PRKN: variants seen among roughly 807,000 people sequenced by gnomAD.
PRKN encodes parkin RBR E3 ubiquitin protein ligase.
PRKN carries 56 observed loss-of-function variants against 59.5 expected under a neutral mutation model. The ratio of observed to expected loss-of-function variants is 0.94; its 90% CI spans 0.76 to 1.18. PRKN has a LOEUF of 1.18. PRKN is among the 50% of genes most tolerant of loss of function. The pLI is 0.00. For missense variants in PRKN, 657 were observed against 596.4 expected (o/e 1.10, Z -1.06); for synonymous variants, 250 against 222.1 (o/e 1.13, Z -1.12).
intron 6 of PRKN, among the ~76,000 whole-genome samples, chr6:161,820,739 G>T (rs895522727): frequency 1.4e-5 from 2 of 147,774 alleles, no homozygotes; most frequent in African/African-American, 2.5e-5. Context: ...TTCATTTATA[G>T]GTGTATATAT....
chr6:162,313,836 T>C (rs956147259), intron 2 of PRKN, among the ~76,000 whole-genome samples: 12 of 152,178 alleles, frequency 7.9e-5, no homozygotes, highest in African/African-American at 2.9e-4. Context: ...ATTACCTGGA[T>C]TGTTTCCACC....
chr6:162,042,542 G>A (rs9458438), intron 5 of PRKN, among the ~76,000 whole-genome samples: 2,408 of 152,150 alleles, frequency 0.016, 53 homozygotes, highest in African/African-American at 0.055. Flanking sequence ...TACTGCCTTG[G>A]CCTCCCAAAA....
Position 162,091,885 on chromosome 6 carries a change from T to C in PRKN, c.535-37711A>G, listed in dbSNP as rs147140442. Among the ~76,000 whole-genome samples the C allele has an allele frequency of 7.5e-3, 1,142 of 151,506 alleles. 15 individuals are homozygous for C. The highest frequency in any genetic ancestry group is 0.026 in the African/African-American group (1,087 of 41,252). On this transcript the variant is annotated intron_variant, in intron 4 of 11. Coordinates refer to ENST00000366898, the MANE Select transcript of PRKN (RefSeq NM_004562.3). ...GAGCCGATTCTACAAAAATTACAAATATTAGCCGGGCATGGTGGCACATGC... is the reference window on the plus strand; with the variant it reads ...GAGCCGATTCTACAAAAATTACAAACATTAGCCGGGCATGGTGGCACATGC...
At chr6:162,105,302 T>C (rs940349200) in intron 4 of PRKN, among the ~76,000 whole-genome samples, 7 of 152,160 alleles carry the variant, frequency 4.6e-5, no homozygotes, top group African/African-American at 1.7e-4. Flanking sequence ...AGAAATGCTA[T>C]AAACACAGCC....
chr6:162,298,423 G>C (rs910961544), intron 2 of PRKN, among the ~76,000 whole-genome samples: 14 of 151,588 alleles, frequency 9.2e-5, no homozygotes, highest in Non-Finnish European at 1.5e-4. Flanking sequence ...ATCCTTCTTT[G>C]TTTTTTTTAA....
chr6:161,836,798 G>C (rs1583227299), intron 6 of PRKN, among the ~76,000 whole-genome samples: 1 of 152,134 alleles, frequency 6.6e-6, no homozygotes, highest in Non-Finnish European at 1.5e-5. Flanking sequence ...GAACCGGGGA[G>C]AGGGACTCCA....
Position 161,480,569 on chromosome 6 carries a change from G to C in PRKN, c.1083+68285C>G, listed in dbSNP as rs1353328550. Reference sequence around the variant, plus strand: ...GATGATGGGTCTTTTGTGCATTCCTGGTTCTGGGCTTTGGGGCACAAGGAG... The same window carrying C: ...GATGATGGGTCTTTTGTGCATTCCTCGTTCTGGGCTTTGGGGCACAAGGAG... On this transcript the variant is annotated intron_variant, in intron 9 of 11. Transcript: ENST00000366898. This position sits in a 1 kb window ranked among gnomAD's most constrained non-coding sequence, Gnocchi z 4.1. Among the ~76,000 whole-genome samples the C allele has an allele frequency of 3.3e-5, 5 of 152,172 alleles. No homozygotes were observed. Among genetic ancestry groups the C allele is most frequent in the Non-Finnish European group, 7.3e-5 (5 of 68,042 alleles).
chr6:162,249,053 T>C (rs1382365475), intron 3 of PRKN, among the ~76,000 whole-genome samples: 1 of 152,070 alleles, frequency 6.6e-6, no homozygotes, highest in East Asian at 1.9e-4. Context: ...CTAATTTTTG[T>C]ATTTTTAGTA....
intron 1 of PRKN, among the ~76,000 whole-genome samples, chr6:162,644,341 G>A (rs946779923): frequency 3.9e-5 from 6 of 152,160 alleles, no homozygotes; most frequent in Non-Finnish European, 5.9e-5. Flanking sequence ...ACACTTGGCA[G>A]TAGCAATCAG....
intron 6 of PRKN, among the ~76,000 whole-genome samples, chr6:161,890,911 A>G (rs1276330753): frequency 6.6e-6 from 1 of 152,164 alleles, no homozygotes; most frequent in Non-Finnish European, 1.5e-5. Context: ...CAACCAGTAC[A>G]CTAGATGCCA....
chr6:162,338,781 G>C (rs1249081034), intron 2 of PRKN, among the ~76,000 whole-genome samples: 1 of 151,050 alleles, frequency 6.6e-6, no homozygotes, highest in Admixed American at 6.6e-5. Context: ...GTCTCCGCCC[G>C]GCCGCCATCC....
chr6:162,274,153 T>C (rs1583299421), intron 2 of PRKN, among the ~76,000 whole-genome samples: 1 of 150,778 alleles, frequency 6.6e-6, no homozygotes, highest in East Asian at 1.9e-4. Context: ...CTTCTTGTAA[T>C]TTAATTAATT....
At chr6:161,915,284 A>AAAAAT in intron 6 of PRKN, among the ~76,000 whole-genome samples, 1 of 152,086 alleles carries the variant, frequency 6.6e-6, no homozygotes, top group Non-Finnish European at 1.5e-5. Flanking sequence ...GACTCTGTTT[A>AAAAAT]AAAATAAAAT....
At chr6:161,869,681 C>T (rs1330632213) in intron 6 of PRKN, among the ~76,000 whole-genome samples, 1 of 152,150 alleles carries the variant, frequency 6.6e-6, no homozygotes, top group Non-Finnish European at 1.5e-5. Flanking sequence ...CCACCCTCTG[C>T]GTCGTCTTAA....
intron 1 of PRKN, among the ~76,000 whole-genome samples, chr6:162,664,297 T>C (rs1487541574): frequency 6.6e-6 from 1 of 152,220 alleles, no homozygotes; most frequent in Admixed American, 6.5e-5. Context: ...CTATCACTGA[T>C]AGGTATTTGG....
chr6:161,736,798 A>G (rs147544383), intron 7 of PRKN, among the ~76,000 whole-genome samples: 95 of 152,342 alleles, frequency 6.2e-4, no homozygotes, highest in African/African-American at 2.3e-3. Flanking sequence ...AGAAACCCCA[A>G]GACCTCATCT....
intron 4 of PRKN, among the ~76,000 whole-genome samples, chr6:162,171,913 A>T (rs964968267): frequency 1.3e-5 from 2 of 152,162 alleles, no homozygotes; most frequent in African/African-American, 4.8e-5. Flanking sequence ...TTGTTAAATC[A>T]TTACTGATGA....
intron 6 of PRKN, among the ~76,000 whole-genome samples, chr6:161,873,082 T>C (rs570746070): frequency 3.1e-4 from 47 of 150,710 alleles, no homozygotes; most frequent in Non-Finnish European, 5.6e-4. Flanking sequence ...ATGAAATAAA[T>C]CGGCTGAAAA....
In PRKN at chr6:161,530,113, G is replaced by C. The variant is rs887244715; in HGVS notation, c.1083+18741C>G. ...TTCACTGGGCCGTGGCTGTGCACAC[G>C]GGCTTCTTGCCATCACTTAAATGGA... On this transcript the variant is annotated intron_variant, in intron 9 of 11. Coordinates refer to ENST00000366898, the MANE Select transcript of PRKN (RefSeq NM_004562.3). This position sits in a 1 kb window ranked among gnomAD's most constrained non-coding sequence, Gnocchi z 5.0. Among the ~76,000 whole-genome samples, 16 of 152,016 alleles carry C rather than the reference G, an allele frequency of 1.1e-4. No individual in the cohort carries two copies. The highest frequency in any genetic ancestry group is 1.5e-4 in the Non-Finnish European group (10 of 68,002).
Sources: gnomAD v4.1 joint callset for allele counts (sites outside exome capture counted in the v4.1 genomes callset) on GRCh38, gnomAD v4.1.1 for gene constraint, Gnocchi (gnomAD v3.1) non-coding constraint, MANE v1.5 for transcripts, NCBI Gene and HGNC (gene_info 2026-07-23, HGNC 2026-07-21) for gene names.